The following GNB1 variants were observed in gnomAD, a reference collection of about 807,000 sequenced individuals.
GNB1 encodes G protein subunit beta 1, also known as guanine nucleotide-binding protein G(I)/G(S)/G(T) subunit beta-1.
A neutral mutation model predicts 42.9 loss-of-function variants in GNB1; 2 were observed. That is an observed-to-expected ratio of 0.05 (90% confidence interval 0.02 to 0.15). GNB1 has a LOEUF of 0.15. GNB1 is among the 10% of genes least tolerant of loss of function. The pLI is 1.00. For synonymous variants in GNB1, 183 were observed against 174.7 expected, an observed-to-expected ratio of 1.05 and a Z score of -0.38; for missense variants, 193 against 462.2, an observed-to-expected ratio of 0.42 and a Z score of 5.34.
intron 2 of GNB1, among the ~76,000 whole-genome samples, chr1:1,833,114 C>G (rs1329528275): frequency 1.3e-5 from 2 of 152,138 alleles, no homozygotes; most frequent in East Asian, 3.9e-4. Flanking sequence ...CACCCCTGAG[C>G]CTCCTGTGCA....
chr1:1,821,248 G>A (rs1646927060), intron 3 of GNB1, among the ~76,000 whole-genome samples: 1 of 152,194 alleles, frequency 6.6e-6, no homozygotes, highest in African/African-American at 2.4e-5. Flanking sequence ...TGCACTGGCT[G>A]GCATGCCGCT....
At chr1:1,837,403 C>T (rs1331650336) in intron 2 of GNB1, among the ~76,000 whole-genome samples, 5 of 151,594 alleles carry the variant, frequency 3.3e-5, no homozygotes, top group African/African-American at 1.2e-4. Flanking sequence ...TTCAGGTGCC[C>T]ATCACCACGC....
chr1:1,799,651 G>A (rs1418343973), intron 7 of GNB1, among the ~76,000 whole-genome samples: 1 of 152,158 alleles, frequency 6.6e-6, no homozygotes, highest in African/African-American at 2.4e-5. Context: ...ACTACAAAAC[G>A]AAACACCTGA....
chr1:1,833,070 C>G (rs188789104), intron 2 of GNB1, among the ~76,000 whole-genome samples: 307 of 152,252 alleles, frequency 2.0e-3, no homozygotes, highest in African/African-American at 6.8e-3. Context: ...AGCAACAGGG[C>G]AGTCCTGAGT....
chr1:1,860,972 G>A (rs1648591719), intron 1 of GNB1, among the ~76,000 whole-genome samples: 1 of 151,896 alleles, frequency 6.6e-6, no homozygotes, highest in Admixed American at 6.6e-5. Context: ...GCTGGGCATG[G>A]TGGCACGAGC....
chr1:1,867,805 A>G (rs972220096), intron 1 of GNB1, among the ~76,000 whole-genome samples: 3 of 152,208 alleles, frequency 2.0e-5, no homozygotes, highest in Non-Finnish European at 4.4e-5. Context: ...TCAAACTAAG[A>G]AACTCTTTAC....
chr1:1,864,609 C>A (rs868222946), intron 1 of GNB1, among the ~76,000 whole-genome samples: 9 of 152,256 alleles, frequency 5.9e-5, no homozygotes, highest in Middle Eastern at 3.4e-3. Context: ...GACATTCCTG[C>A]ACCCCAGGAA....
At chr1:1,866,999 G>A (rs558346277) in intron 1 of GNB1, among the ~76,000 whole-genome samples, 1 of 152,226 alleles carries the variant, frequency 6.6e-6, no homozygotes, top group South Asian at 2.1e-4. Context: ...GGGTGCAGTG[G>A]CTCACGCCTA....
intron 2 of GNB1, among the ~76,000 whole-genome samples, chr1:1,828,761 T>A (rs928266256): frequency 2.6e-5 from 4 of 152,154 alleles, no homozygotes; most frequent in African/African-American, 9.7e-5. Context: ...AAAAGGCGTA[T>A]TCCTGGCTGG....
chr1:1,867,082 C>T (rs1026894175), intron 1 of GNB1, among the ~76,000 whole-genome samples: 6 of 152,114 alleles, frequency 3.9e-5, no homozygotes, highest in African/African-American at 1.2e-4. Context: ...GCCTGGCCAA[C>T]ATGGCGAAAC....
chr1:1,824,745 A>G (rs921506157), intron 3 of GNB1, among the ~76,000 whole-genome samples: 1 of 151,628 alleles, frequency 6.6e-6, no homozygotes, highest in South Asian at 2.1e-4. Flanking sequence ...GCTAATTTTT[A>G]TATTTTTTGT....
At chr1:1,866,264 T>C (rs369835302) in intron 1 of GNB1, among the ~76,000 whole-genome samples, 2 of 152,252 alleles carry the variant, frequency 1.3e-5, no homozygotes, top group Non-Finnish European at 2.9e-5. Context: ...TAAAACAGTA[T>C]GTTCCTTTCC....
chr1:1,859,597 G>C (rs995906009), intron 1 of GNB1, among the ~76,000 whole-genome samples: 1 of 151,446 alleles, frequency 6.6e-6, no homozygotes, highest in Non-Finnish European at 1.5e-5. Context: ...CGCCAACGGA[G>C]ACTGATTGGC....
At chr1:1,804,602 G>A (rs376445565) in intron 6 of GNB1, 21 bp from the exon 7 acceptor site, 10 of 1,533,472 alleles carry the variant, frequency 6.5e-6, no homozygotes, top group Admixed American at 6.1e-5. Context: ...AAAGACAGAT[G>A]ATGCAAACAA....
intron 1 of GNB1, among the ~76,000 whole-genome samples, chr1:1,879,822 T>A (rs1302724697): frequency 1.3e-5 from 2 of 152,132 alleles, no homozygotes; most frequent in Admixed American, 1.3e-4. Context: ...GATCTTCACA[T>A]CGTGTCTGCT....
chr1:1,815,370 A>C (rs1646839915), intron 5 of GNB1, among the ~76,000 whole-genome samples: 1 of 152,192 alleles, frequency 6.6e-6, no homozygotes, highest in African/African-American at 2.4e-5. Flanking sequence ...CACTGACATC[A>C]CAAGAGGGCG....
At chr1:1,851,167 T>C (rs1647959340) in intron 1 of GNB1, among the ~76,000 whole-genome samples, 1 of 152,068 alleles carries the variant, frequency 6.6e-6, no homozygotes, top group Admixed American at 6.6e-5. Flanking sequence ...TCCCAGCACT[T>C]TGGGAGGCCG....
intron 3 of GNB1, chr1:1,825,183 T>C (rs1646980523): frequency 1.9e-6 from 1 of 539,382 alleles, no homozygotes; most frequent in Non-Finnish European, 3.3e-6. Flanking sequence ...CTGGTGTATA[T>C]TCAAATAACA....
At chr1:1,812,503 C>T (rs1404416982) in intron 5 of GNB1, among the ~76,000 whole-genome samples, 1 of 152,012 alleles carries the variant, frequency 6.6e-6, no homozygotes, top group Non-Finnish European at 1.5e-5. Flanking sequence ...CGGCTATTTA[C>T]AACAAGCAAT....
Sources: gnomAD v4.1 joint callset for allele counts (sites outside exome capture counted in the v4.1 genomes callset) on GRCh38, gnomAD v4.1.1 for gene constraint, MANE v1.5 for transcripts, NCBI Gene and HGNC (gene_info 2026-07-23, HGNC 2026-07-21) for gene names.